FAM20B: variants seen among roughly 807,000 people sequenced by gnomAD.
FAM20B encodes FAM20B glycosaminoglycan xylosylkinase.
A neutral mutation model predicts 43.8 loss-of-function variants in FAM20B; 23 were observed. That is an observed-to-expected ratio of 0.53 (90% CI 0.38 to 0.74). FAM20B has a LOEUF of 0.74. FAM20B is among the 30% of genes least tolerant of loss of function. FAM20B has a pLI of 0.00. For missense variants in FAM20B, 440 were observed against 510.5 expected (o/e 0.86, Z 1.33); for synonymous variants, 178 against 192.4 (o/e 0.93, Z 0.62).
intron 5 of FAM20B, 81 bp downstream of exon 5, chr1:179,064,179 G>A: frequency 7.0e-7 from 1 of 1,429,780 alleles, no homozygotes; most frequent in Non-Finnish European, 9.6e-7. Flanking sequence ...CAGCAGTTCT[G>A]TCCAAGAGTG....
chr1:179,036,519 T>G (rs914443181), intron 1 of FAM20B, among the ~76,000 whole-genome samples: 4 of 151,960 alleles, frequency 2.6e-5, no homozygotes, highest in African/African-American at 9.7e-5. Flanking sequence ...GTTAGTGAGG[T>G]TTTTCGTGAA....
chr1:179,048,519 A>G (rs1650874189), intron 2 of FAM20B, among the ~76,000 whole-genome samples: 1 of 152,236 alleles, frequency 6.6e-6, no homozygotes, highest in South Asian at 2.1e-4. Context: ...ACCATACTGC[A>G]CTTCACCACA....
chr1:179,035,165 T>G (rs1650169733), intron 1 of FAM20B: 1 of 359,516 alleles, frequency 2.8e-6, no homozygotes, highest in African/African-American at 2.1e-5. Context: ...TTGAGATTTA[T>G]CACATGATCT....
At position 179,075,599 on chromosome 1, in the gene FAM20B, G is replaced by A. The variant is rs1244931344; in HGVS notation, c.*3455G>A. 1 of 152,490 alleles carries A rather than the reference G, an allele frequency of 6.6e-6. No homozygotes were observed. The highest frequency in any genetic ancestry group is 2.4e-5 in the African/African-American group (1 of 41,394). The allele number at this position is 152,490 out of a possible 1,614,324, so 9.4% of individuals were successfully genotyped here. ...TTCAAGAATGTATTAATAAGGCATT[G>A]CCCCCTGTTTGCACTCAGGGTTAAT... is the stretch of plus-strand genomic sequence containing the variant. On this transcript the variant is annotated 3_prime_UTR_variant, in exon 8 of 8. Transcript: ENST00000263733.
At chr1:179,040,576 C>T (rs1199623235) in intron 1 of FAM20B, among the ~76,000 whole-genome samples, 2 of 123,844 alleles carry the variant, frequency 1.6e-5, no homozygotes, top group African/African-American at 6.1e-5. Context: ...GGCAGCTGGC[C>T]GGGCAGAGGG....
chr1:179,062,110 G>T (rs1371389074), intron 4 of FAM20B, among the ~76,000 whole-genome samples: 1 of 151,880 alleles, frequency 6.6e-6, no homozygotes, highest in Admixed American at 6.6e-5. Flanking sequence ...AGGTTTCAGC[G>T]ATCCTCCTGC....
chr1:179,038,705 C>T (rs74853606), intron 1 of FAM20B, among the ~76,000 whole-genome samples: 20,602 of 152,258 alleles, frequency 0.14, 1,676 homozygotes, highest in East Asian at 0.29. Context: ...TCTGCTAGCA[C>T]TGCTGTTATC....
At chr1:179,033,820 G>A (rs1650106173) in intron 1 of FAM20B, among the ~76,000 whole-genome samples, 3 of 152,126 alleles carry the variant, frequency 2.0e-5, no homozygotes, top group African/African-American at 7.2e-5. Flanking sequence ...AGCCTCTCAA[G>A]TAGCTGGGAC....
chr1:179,058,871 TGA>T (rs1466558313), intron 4 of FAM20B, among the ~76,000 whole-genome samples: 1 of 152,038 alleles, frequency 6.6e-6, no homozygotes, highest in African/African-American at 2.4e-5. Context: ...GGAGAGCAAT[TGA>T]GAGAGAAGAA....
chr1:179,028,811 A>G lies in FAM20B; in HGVS notation c.-134+2713A>G, dbSNP rs534457235. 7.2e-5 allele frequency among the ~76,000 whole-genome samples: 11 copies of G among 152,350 alleles called. No homozygotes were observed. In the South Asian group the frequency reaches 1.5e-3, roughly 20 times the overall value. On this transcript the variant is annotated intron_variant, in intron 1 of 7. Transcript: ENST00000263733. ...AGAAGGTGCACAATAAATATTCGTC[A>G]GTTGAATGAATAAATGGAAAACAGT...
upstream of FAM20B, among the ~76,000 whole-genome samples, chr1:179,025,210 G>A (rs1341008870): frequency 1.3e-5 from 2 of 152,180 alleles, no homozygotes; most frequent in African/African-American, 4.8e-5. Context: ...GGGCATTGGC[G>A]ACCCAGGAGC....
At chr1:179,024,089 T>C (rs974416471), upstream of FAM20B, among the ~76,000 whole-genome samples, 1 of 152,164 alleles carries the variant, frequency 6.6e-6, no homozygotes, top group African/African-American at 2.4e-5. Flanking sequence ...TGAAAGCCTT[T>C]CACAGAGAGG....
chr1:179,035,290 T>G (rs531175914), intron 1 of FAM20B: 3 of 639,870 alleles, frequency 4.7e-6, no homozygotes, highest in Non-Finnish European at 8.7e-6. Flanking sequence ...GTCTTCAGTC[T>G]TTAAGGACTC....
At position 179,076,175 on chromosome 1, in the gene FAM20B, G is replaced by GACT. The variant is rs1450214139; in HGVS notation, c.*4032_*4033insCTA. ...GCCAGCACAGGCCAGACATACTAGT[G>GACT]AGCCAGGCACATCTGGCCTTGGGAA... On this transcript the variant is annotated 3_prime_UTR_variant, in exon 8 of 8. Transcript: ENST00000263733. The GACT allele has an allele frequency of 6.6e-6, 1 of 152,114 alleles. No individual in the cohort carries two copies. Among genetic ancestry groups the GACT allele is most frequent in the Admixed American group, 6.5e-5 (1 of 15,274 alleles). The allele number at this position is 152,114 out of a possible 1,614,324, so 9.4% of individuals were successfully genotyped here. A position where few individuals can be genotyped will look rare whatever the true frequency, so the allele number is the denominator to read the frequency against.
chr1:179,021,924 C>T (rs918126225), upstream of FAM20B, among the ~76,000 whole-genome samples: 4 of 152,024 alleles, frequency 2.6e-5, no homozygotes, highest in Admixed American at 6.5e-5. Context: ...AAAAAATAAC[C>T]GAAATATTCC....
At chr1:179,040,483 G>A (rs1283997404) in intron 1 of FAM20B, among the ~76,000 whole-genome samples, 1 of 147,310 alleles carries the variant, frequency 6.8e-6, no homozygotes, top group African/African-American at 2.5e-5. Flanking sequence ...CTAGCCGGGC[G>A]GGGGGCTGAC....
chr1:179,065,181 T>C (rs1042416276), intron 6 of FAM20B, among the ~76,000 whole-genome samples: 1 of 151,998 alleles, frequency 6.6e-6, no homozygotes, highest in African/African-American at 2.4e-5. Context: ...GACGGAGTTT[T>C]GCTCTGTTGC....
At chr1:179,020,743 T>G in the FAM20B span, among the ~76,000 whole-genome samples, 3 of 152,136 alleles carry the variant, frequency 2.0e-5, no homozygotes, top group Admixed American at 6.6e-5. Context: ...AAATTCAAAT[T>G]TTTGCAGATG....
At chr1:179,069,688 A>C (rs1651834575) in intron 7 of FAM20B, among the ~76,000 whole-genome samples, 1 of 152,094 alleles carries the variant, frequency 6.6e-6, no homozygotes, top group African/African-American at 2.4e-5. Flanking sequence ...GCATATTTTG[A>C]AGAGTGAATT....
Sources: allele counts gnomAD v4.1 joint callset (sites outside exome capture counted in the v4.1 genomes callset), GRCh38; gene constraint gnomAD v4.1.1; transcripts MANE v1.5; gene names NCBI Gene and HGNC (gene_info 2026-07-23, HGNC 2026-07-21).